Variants in ZFHX3 observed in about 807,000 individuals in gnomAD.
The protein encoded by ZFHX3 is zinc finger homeobox protein 3.
A neutral mutation model predicts 279.1 loss-of-function variants in ZFHX3; 42 were observed. The ratio of observed to expected loss-of-function variants is 0.15; its 90% CI spans 0.12 to 0.19. The LOEUF (loss-of-function observed/expected upper bound fraction) is 0.19, where lower values mean the gene tolerates loss of function less well. Among genes scored for constraint, ZFHX3 ranks in the 10% least tolerant of loss-of-function variants. The probability of loss-of-function intolerance (pLI) is 1.00; values close to 1 mark genes in which losing one functional copy is unlikely to be tolerated. For missense variants in ZFHX3, 4,981 were observed against 4,754.0 expected, an observed-to-expected ratio of 1.05 and a Z score of -1.40; for synonymous variants, 2,293 against 1,957.8, an observed-to-expected ratio of 1.17 and a Z score of -4.52.
At chr16:73,781,802 CAT>C (rs1362291178) in intron 1 of ZFHX3, among the ~76,000 whole-genome samples, 1 of 152,130 alleles carries the variant, frequency 6.6e-6, no homozygotes, top group Non-Finnish European at 1.5e-5. Flanking sequence ...GCCTGACCAA[CAT>C]AGTGAAACCC....
chr16:73,347,863 G>A (rs2016151068), intron 3 of ZFHX3, among the ~76,000 whole-genome samples: 1 of 152,172 alleles, frequency 6.6e-6, no homozygotes. Context: ...AAACTCATAA[G>A]CCTTTGTATG....
chr16:73,866,381 G>T (rs1053879297), intron 1 of ZFHX3, among the ~76,000 whole-genome samples: 1 of 151,544 alleles, frequency 6.6e-6, no homozygotes, highest in African/African-American at 2.4e-5. Flanking sequence ...GTTTCACCAT[G>T]TTGCCCTGGT....
chr16:73,821,808 T>G (rs1335089015), intron 1 of ZFHX3, among the ~76,000 whole-genome samples: 1 of 152,156 alleles, frequency 6.6e-6, no homozygotes, highest in Non-Finnish European at 1.5e-5. Context: ...CTGGGCTCAG[T>G]GGGAAGTCAA....
At chr16:73,265,200 T>C (rs541200931) in intron 4 of ZFHX3, among the ~76,000 whole-genome samples, 1 of 152,158 alleles carries the variant, frequency 6.6e-6, no homozygotes, top group East Asian at 1.9e-4. Flanking sequence ...TAAACACACA[T>C]GTGCAAGTAT....
intron 4 of ZFHX3, among the ~76,000 whole-genome samples, chr16:73,298,990 A>G (rs890018722): frequency 6.6e-6 from 1 of 152,234 alleles, no homozygotes; most frequent in African/African-American, 2.4e-5. Flanking sequence ...AGGGAGAACT[A>G]CAAGGGGATG....
Position 72,794,701 on chromosome 16 carries a change from G to A in ZFHX3, c.7981C>T (p.Leu2661=). The change falls in exon 9 of 10, where the codon CTA becomes TTA. Residue 2661 remains leucine, a synonymous_variant. Transcript: ENST00000268489. This position sits in a 1 kb window ranked among gnomAD's most constrained non-coding sequence, Gnocchi z 4.2. ...EQLEILYQKY[L]LDSNPTRKML... ...TTTCGAGTCGGATTGGAATCCAGTA[G>A]ATACTTCTGGTAGAGAATTTCTAGT... 6.2e-7 allele frequency: 1 copy of A among 1,614,242 alleles called. No homozygotes were observed. Among genetic ancestry groups the A allele is most frequent in the East Asian group, 2.2e-5 (1 of 44,886 alleles).
intron 1 of ZFHX3, among the ~76,000 whole-genome samples, chr16:73,862,209 C>T (rs1486622544): frequency 6.6e-6 from 1 of 152,192 alleles, no homozygotes; most frequent in Non-Finnish European, 1.5e-5. Context: ...GGCTGGTCTA[C>T]TCTGGGGTAT....
chr16:73,194,312 AC>A (rs1241100120), intron 5 of ZFHX3, among the ~76,000 whole-genome samples: 3 of 151,808 alleles, frequency 2.0e-5, no homozygotes, highest in African/African-American at 7.3e-5. Flanking sequence ...CAATCCTCCC[AC>A]CACAGCCTCC....
exon 1 of ZFHX3, chr16:73,059,216 G>GGA (rs1965641655): frequency 8.2e-6 from 1 of 121,290 alleles, no homozygotes; most frequent in Non-Finnish European, 1.7e-5. Flanking sequence ...AGGAAGGGAG[G>GGA]AAAAAAAAAA....
At chr16:73,750,527 T>G (rs951309973) in intron 1 of ZFHX3, among the ~76,000 whole-genome samples, 1 of 152,056 alleles carries the variant, frequency 6.6e-6, no homozygotes, top group Non-Finnish European at 1.5e-5. Flanking sequence ...GAGGCACTGG[T>G]TGAAAAAATG....
At chr16:73,419,587 C>A (rs1416181555) in intron 3 of ZFHX3, among the ~76,000 whole-genome samples, 1 of 152,096 alleles carries the variant, frequency 6.6e-6, no homozygotes, top group Non-Finnish European at 1.5e-5. Context: ...AGTCTTCCCA[C>A]CTTTGCTAGC....
intron 4 of ZFHX3, among the ~76,000 whole-genome samples, chr16:72,855,817 T>G (rs947606854): frequency 2.0e-5 from 3 of 152,146 alleles, no homozygotes; most frequent in Non-Finnish European, 4.4e-5. Context: ...GAAAGGCAAC[T>G]GCAGCCTAGA....
intron 1 of ZFHX3, chr16:73,005,973 A>G (rs1202163836): frequency 1.3e-5 from 2 of 152,228 alleles, no homozygotes; most frequent in Admixed American, 6.5e-5. Context: ...GTATATGAGA[A>G]AGCTAATTAT....
intron 1 of ZFHX3, among the ~76,000 whole-genome samples, chr16:73,020,603 T>G (rs1010227059): frequency 1.3e-5 from 2 of 152,216 alleles, no homozygotes; most frequent in African/African-American, 4.8e-5. Flanking sequence ...TTGTCGACCA[T>G]GACTCAGCAA....
At chr16:73,618,649 A>C (rs899901048) in intron 2 of ZFHX3, among the ~76,000 whole-genome samples, 1 of 152,188 alleles carries the variant, frequency 6.6e-6, no homozygotes, top group African/African-American at 2.4e-5. Context: ...CAGCTCCCTT[A>C]GTTTATATCT....
intron 3 of ZFHX3, among the ~76,000 whole-genome samples, chr16:72,918,908 G>A (rs1020719316): frequency 6.6e-5 from 10 of 152,026 alleles, no homozygotes; most frequent in Admixed American, 3.9e-4. Flanking sequence ...GTGTTAGCCA[G>A]GATGGTCTCG....
chr16:73,647,000 T>C (rs554099228), intron 2 of ZFHX3, among the ~76,000 whole-genome samples: 2 of 148,606 alleles, frequency 1.3e-5, no homozygotes, highest in Non-Finnish European at 3.0e-5. Context: ...ATGGCAGTAC[T>C]CGTTGTGCCA....
At chr16:73,003,761 T>C (rs1023484616) in intron 1 of ZFHX3, among the ~76,000 whole-genome samples, 2 of 151,860 alleles carry the variant, frequency 1.3e-5, no homozygotes, top group East Asian at 3.8e-4. Context: ...GTATAGTATT[T>C]TACTAGTGGC....
At chr16:73,192,921 A>G (rs1968074033) in intron 5 of ZFHX3, among the ~76,000 whole-genome samples, 1 of 152,198 alleles carries the variant, frequency 6.6e-6, no homozygotes, top group Non-Finnish European at 1.5e-5. Context: ...AAAGTCTGCA[A>G]CTTCCTAACT....
Sources: allele counts gnomAD v4.1 joint callset (sites outside exome capture counted in the v4.1 genomes callset), GRCh38; gene constraint gnomAD v4.1.1; non-coding constraint Gnocchi (gnomAD v3.1); transcripts MANE v1.5; gene names NCBI Gene and HGNC (gene_info 2026-07-23, HGNC 2026-07-21).